The following PCCA variants were observed in gnomAD, a reference collection of about 807,000 sequenced individuals.
PCCA encodes the protein propionyl-CoA carboxylase alpha chain, mitochondrial.
In PCCA, 74 loss-of-function variants were observed where a neutral mutation model predicts 101.3. The ratio of observed to expected loss-of-function variants is 0.73; its 90% confidence interval spans 0.61 to 0.89. The LOEUF (loss-of-function observed/expected upper bound fraction) is 0.89. Ranked by LOEUF, PCCA falls within the 40% of genes least tolerant of loss-of-function variation. PCCA has a pLI of 0.00. For missense variants in PCCA, 891 were observed against 907.0 expected (o/e 0.98, Z 0.23); for synonymous variants, 294 against 313.6 (o/e 0.94, Z 0.66).
chr13:100,476,530 A>G (rs1212047796), intron 21 of PCCA, among the ~76,000 whole-genome samples: 2 of 152,230 alleles, frequency 1.3e-5, no homozygotes, highest in Non-Finnish European at 2.9e-5. Flanking sequence ...AGTGAGGAAG[A>G]GAAAGTCCTG....
chr13:100,273,262 A>G lies in PCCA; in HGVS notation c.981A>G (p.Val327=), dbSNP rs2063425788. ...GEQAVALARA[V]KYSSAGTVEF... ...AAGCTGTAGCTCTTGCCAGAGCAGT[A>G]AAATATTCCTCTGCTGGGACCGTGG... Residue 327 remains valine, a synonymous_variant, in exon 12 of 24, where the codon GTA becomes GTG. Transcript: ENST00000376285. The G allele has an allele frequency of 6.2e-7, 1 of 1,611,558 alleles. No homozygotes were observed. The highest frequency in any genetic ancestry group is 8.5e-7 in the Non-Finnish European group (1 of 1,177,676).
chr13:100,495,363 T>C (rs1333170030), intron 21 of PCCA, among the ~76,000 whole-genome samples: 1 of 152,174 alleles, frequency 6.6e-6, no homozygotes, highest in African/African-American at 2.4e-5. Flanking sequence ...GCCACCTCTC[T>C]GAAATGGCCA....
chr13:100,403,843 C>G (rs765004519), intron 19 of PCCA, among the ~76,000 whole-genome samples: 1 of 152,140 alleles, frequency 6.6e-6, no homozygotes, highest in Non-Finnish European at 1.5e-5. Context: ...CTCCCTGCTG[C>G]AAACACTGCG....
At chr13:100,348,662 G>A (rs911278965) in intron 18 of PCCA, among the ~76,000 whole-genome samples, 1 of 151,976 alleles carries the variant, frequency 6.6e-6, no homozygotes, top group African/African-American at 2.4e-5. Flanking sequence ...TGCTCAAAAT[G>A]TCTGTTTTTT....
At chr13:100,148,098 A>AT (rs1282506724) in intron 4 of PCCA, among the ~76,000 whole-genome samples, 1 of 151,612 alleles carries the variant, frequency 6.6e-6, no homozygotes, top group Non-Finnish European at 1.5e-5. Flanking sequence ...TAGTCTTTTT[A>AT]TTTTTTATTT....
chr13:100,472,866 A>G (rs890135497), intron 21 of PCCA, among the ~76,000 whole-genome samples: 2 of 144,588 alleles, frequency 1.4e-5, no homozygotes, highest in Non-Finnish European at 1.5e-5. Flanking sequence ...TTAAAGTATC[A>G]TAAGATAAAA....
chr13:100,486,388 AC>A (rs2084374175), intron 21 of PCCA, among the ~76,000 whole-genome samples: 1 of 152,240 alleles, frequency 6.6e-6, no homozygotes, highest in African/African-American at 2.4e-5. Flanking sequence ...AGTAACATTC[AC>A]CACCGTGTCC....
intron 12 of PCCA, among the ~76,000 whole-genome samples, chr13:100,287,797 GT>G (rs1434155165): frequency 1.8e-4 from 23 of 127,060 alleles, no homozygotes; most frequent in Admixed American, 9.0e-5. Flanking sequence ...ATTTTGATTT[GT>G]TTTATATAAA....
intron 4 of PCCA, among the ~76,000 whole-genome samples, chr13:100,134,319 C>G (rs1182226548): frequency 1.3e-5 from 2 of 152,120 alleles, no homozygotes; most frequent in Admixed American, 1.3e-4. Flanking sequence ...ATTCCTCTAC[C>G]TTTCTTTTTC....
chr13:100,361,855 A>G (rs1286813656), intron 18 of PCCA, among the ~76,000 whole-genome samples: 1 of 152,144 alleles, frequency 6.6e-6, no homozygotes, highest in African/African-American at 2.4e-5. Flanking sequence ...TTAAACCTAC[A>G]TTTAGCCTAC....
chr13:100,449,983 A>G (rs1290504545), intron 21 of PCCA, among the ~76,000 whole-genome samples: 1 of 152,204 alleles, frequency 6.6e-6, no homozygotes, highest in Non-Finnish European at 1.5e-5. Flanking sequence ...AATTTTCAAG[A>G]TTAGTAAACT....
chr13:100,191,674 G>T (rs2057753315), intron 6 of PCCA, among the ~76,000 whole-genome samples: 2 of 152,128 alleles, frequency 1.3e-5, no homozygotes. Context: ...CACTTGTTTT[G>T]TAAGATTCTA....
At chr13:100,111,150 T>G (rs1392114606) in intron 2 of PCCA, among the ~76,000 whole-genome samples, 1 of 150,750 alleles carries the variant, frequency 6.6e-6, no homozygotes, top group Non-Finnish European at 1.5e-5. Context: ...TAGCTGAGAT[T>G]AGAGGCGCGT....
intron 8 of PCCA, among the ~76,000 whole-genome samples, chr13:100,238,778 C>T (rs1027975305): frequency 2.6e-5 from 4 of 152,046 alleles, no homozygotes; most frequent in African/African-American, 7.2e-5. Flanking sequence ...TTTGATATTT[C>T]GTAAGTTTTT....
At chr13:100,235,682 G>A (rs1271650808) in intron 7 of PCCA, among the ~76,000 whole-genome samples, 160 bp from the exon 8 acceptor site, 2 of 152,030 alleles carry the variant, frequency 1.3e-5, no homozygotes, top group Non-Finnish European at 2.9e-5. Flanking sequence ...TTCCACTTAT[G>A]GTATTAATTT....
intron 8 of PCCA, among the ~76,000 whole-genome samples, chr13:100,240,896 C>T (rs1354040511): frequency 6.6e-6 from 1 of 151,854 alleles, no homozygotes; most frequent in African/African-American, 2.4e-5. Flanking sequence ...ATAATGTGAA[C>T]AAATCTTAAG....
chr13:100,328,601 T>C (rs1276781350), intron 16 of PCCA, among the ~76,000 whole-genome samples: 1 of 151,436 alleles, frequency 6.6e-6, no homozygotes, highest in Admixed American at 6.6e-5. Context: ...TTTTCCTCCA[T>C]ATTTTCTACT....
At chr13:100,244,243 C>T (rs1288934788) in intron 8 of PCCA, among the ~76,000 whole-genome samples, 2 of 152,224 alleles carry the variant, frequency 1.3e-5, no homozygotes, top group East Asian at 3.9e-4. Context: ...GTATATTTTG[C>T]TGTTTTCCTA....
intron 21 of PCCA, chr13:100,489,865 G>C (rs966799022): frequency 5.9e-5 from 9 of 152,228 alleles, no homozygotes; most frequent in African/African-American, 2.2e-4. Flanking sequence ...TATGGGGAAG[G>C]TTGCTTTGCC....
Sources: allele counts gnomAD v4.1 joint callset (sites outside exome capture counted in the v4.1 genomes callset), GRCh38; gene constraint gnomAD v4.1.1; transcripts MANE v1.5; gene names NCBI Gene and HGNC (gene_info 2026-07-23, HGNC 2026-07-21).